Variants in MALRD1 observed in about 807,000 individuals in gnomAD.
The protein encoded by MALRD1 is MAM and LDL-receptor class A domain-containing protein 1.
In MALRD1, 247 loss-of-function variants were observed where a neutral mutation model predicts 242.1. That is an observed-to-expected ratio of 1.02 (90% CI 0.92 to 1.13). The LOEUF is 1.13. Among genes scored for constraint, MALRD1 ranks in the 50% most tolerant of loss-of-function variants. The pLI, the probability that MALRD1 is intolerant of heterozygous loss-of-function variation, is 0.00. For missense variants in MALRD1, 2,989 were observed against 2,533.1 expected (o/e 1.18, Z -3.86); for synonymous variants, 995 against 866.6 (o/e 1.15, Z -2.60).
intron 32 of MALRD1, among the ~76,000 whole-genome samples, chr10:19,547,818 ATTTT>A (rs869038128): frequency 1.1e-3 from 19 of 16,900 alleles, no homozygotes; most frequent in Admixed American, 1.5e-3. Flanking sequence ...ATATATATAT[ATTTT>A]TTTTTTTTTT....
intron 33 of MALRD1, among the ~76,000 whole-genome samples, chr10:19,573,381 C>T (rs1836655182): frequency 6.6e-6 from 1 of 152,182 alleles, no homozygotes; most frequent in Non-Finnish European, 1.5e-5. Flanking sequence ...GCCCCTTCCT[C>T]TGAGCCAGGT....
chr10:19,535,180 G>T (rs932281430), intron 32 of MALRD1, among the ~76,000 whole-genome samples: 1 of 152,026 alleles, frequency 6.6e-6, no homozygotes, highest in African/African-American at 2.4e-5. Context: ...CACTGCGCCC[G>T]ACCAAAGTTT....
chr10:19,442,398 G>A (rs1834716980), intron 28 of MALRD1, among the ~76,000 whole-genome samples: 1 of 152,112 alleles, frequency 6.6e-6, no homozygotes, highest in African/African-American at 2.4e-5. Flanking sequence ...TCTTGTGCCA[G>A]TTTTCAAAGG....
At chr10:19,545,198 A>G (rs1257650727) in intron 32 of MALRD1, among the ~76,000 whole-genome samples, 2 of 152,060 alleles carry the variant, frequency 1.3e-5, no homozygotes, top group East Asian at 3.9e-4. Flanking sequence ...TTTTCATTTT[A>G]TAAGGGCATC....
chr10:19,594,648 C>T (rs906519721), intron 33 of MALRD1, among the ~76,000 whole-genome samples: 21 of 152,088 alleles, frequency 1.4e-4, no homozygotes, highest in Non-Finnish European at 1.0e-4. Context: ...GAATGCTACT[C>T]AGCCATAAAA....
chr10:19,052,214 C>T (rs1168945579), intron 1 of MALRD1: 3 of 288,942 alleles, frequency 1.0e-5, no homozygotes, highest in South Asian at 7.0e-5. Flanking sequence ...AAACCACAGG[C>T]CCTTCCCCTT....
chr10:19,359,010 C>T lies in MALRD1; in HGVS notation c.4441+6713C>T, dbSNP rs527974081. On this transcript the variant is annotated intron_variant, in intron 26 of 39. Transcript: ENST00000454679. ...ATAATAAGAAATGGAGAAGAAAGAA[C>T]AGTCACAATAAAGATCCAGAGATAG... Among the ~76,000 whole-genome samples the T allele has an allele frequency of 8.5e-5, 13 of 152,172 alleles. No homozygotes were observed. In the East Asian group the frequency reaches 2.5e-3, roughly 29 times the overall value.
At chr10:19,237,441 A>G (rs1838371248) in intron 18 of MALRD1, among the ~76,000 whole-genome samples, 1 of 147,494 alleles carries the variant, frequency 6.8e-6, no homozygotes, top group Admixed American at 7.0e-5. Flanking sequence ...CTACAGGGTC[A>G]TCCATGTTGT....
intron 18 of MALRD1, among the ~76,000 whole-genome samples, chr10:19,256,854 T>C (rs891235373): frequency 6.6e-6 from 1 of 152,124 alleles, no homozygotes; most frequent in Admixed American, 6.6e-5. Context: ...AAACATATGT[T>C]CATATAATAA....
At chr10:19,332,922 G>C (rs144246117) in intron 24 of MALRD1, among the ~76,000 whole-genome samples, 2 of 152,018 alleles carry the variant, frequency 1.3e-5, no homozygotes, top group African/African-American at 4.8e-5. Flanking sequence ...TGTGCACAAC[G>C]TGCAGGTTTG....
In MALRD1 at chr10:19,205,021, C is replaced by A. The variant is rs562475621; in HGVS notation, c.2334C>A (p.Thr778=). 3.2e-6 allele frequency: 5 copies of A among 1,550,702 alleles called. No individual in the cohort carries two copies. Among genetic ancestry groups the A allele is most frequent in the Admixed American group, 2.0e-5 (1 of 50,978 alleles). ...AGGGCAAACAATGGTTGGAGGCAAC[C>A]ATTCAGCTAGGGCGCCTTTCGCAGC... ...YNQGKQWLEA[T]IQLGRLSQPF... is the part of the protein sequence containing the mutation. Residue 778 remains threonine (T), a synonymous_variant, in exon 17 of 40, where the codon ACC becomes ACA. Coordinates refer to ENST00000454679, the MANE Select transcript of MALRD1 (RefSeq NM_001142308.3).
chr10:19,189,658 G>T (rs570755477), intron 14 of MALRD1, among the ~76,000 whole-genome samples: 26 of 152,024 alleles, frequency 1.7e-4, no homozygotes, highest in African/African-American at 6.3e-4. Flanking sequence ...TTCAACCTAG[G>T]AATATCTGTC....
chr10:19,608,038 CAGAA>C, intron 35 of MALRD1, 136 bp downstream of exon 35: 1 of 1,214,402 alleles, frequency 8.2e-7, no homozygotes. Flanking sequence ...GGTTTGGGGG[CAGAA>C]AGAATGTTGA....
At chr10:19,441,000 C>T (rs1375301703) in intron 28 of MALRD1, among the ~76,000 whole-genome samples, 2 of 151,960 alleles carry the variant, frequency 1.3e-5, no homozygotes, top group African/African-American at 4.8e-5. Context: ...TCCTCTCCAG[C>T]ACCTGTTGTT....
chr10:19,489,133 G>A (rs1374149524), intron 29 of MALRD1: 4 of 466,478 alleles, frequency 8.6e-6, no homozygotes, highest in Non-Finnish European at 1.8e-5. Flanking sequence ...TGAAGGGGCC[G>A]CCACAGGAAA....
At chr10:19,197,557 A>G (rs996267478) in intron 14 of MALRD1, among the ~76,000 whole-genome samples, 3 of 152,120 alleles carry the variant, frequency 2.0e-5, no homozygotes, top group Non-Finnish European at 2.9e-5. Context: ...GAAGCATGCT[A>G]TGGCCTCAAG....
At chr10:19,298,452 G>A (rs1458648433) in intron 21 of MALRD1, among the ~76,000 whole-genome samples, 1 of 151,612 alleles carries the variant, frequency 6.6e-6, no homozygotes, top group Non-Finnish European at 1.5e-5. Flanking sequence ...AAGACAAGAA[G>A]GATAGGAAAG....
At chr10:19,118,309 C>A (rs754939170) in intron 5 of MALRD1, among the ~76,000 whole-genome samples, 5 of 152,114 alleles carry the variant, frequency 3.3e-5, no homozygotes, top group Non-Finnish European at 5.9e-5. Flanking sequence ...CTCAGGAGAT[C>A]CTGAGAACAG....
At chr10:19,463,227 C>T (rs910683789) in intron 29 of MALRD1, among the ~76,000 whole-genome samples, 5 of 151,806 alleles carry the variant, frequency 3.3e-5, no homozygotes, top group East Asian at 1.9e-4. Flanking sequence ...TACATGAGTA[C>T]GTTCTTTAGT....
Sources: allele counts gnomAD v4.1 joint callset (sites outside exome capture counted in the v4.1 genomes callset), GRCh38; gene constraint gnomAD v4.1.1; transcripts MANE v1.5; gene names NCBI Gene and HGNC (gene_info 2026-07-23, HGNC 2026-07-21).